Variants in IFT122 observed in about 807,000 individuals in gnomAD.
IFT122 encodes intraflagellar transport 122, also known as intraflagellar transport protein 122 homolog.
In IFT122, 118 loss-of-function variants were observed where a neutral mutation model predicts 161.6. The ratio of observed to expected loss-of-function variants is 0.73; its 90% confidence interval spans 0.63 to 0.85. The LOEUF is 0.85. IFT122 is among the 40% of genes least tolerant of loss of function. The pLI, the probability that IFT122 is intolerant of heterozygous loss-of-function variation, is 0.00. For missense variants in IFT122, 1,381 were observed against 1,579.6 expected (o/e 0.87, Z 2.13); for synonymous variants, 550 against 602.4 (o/e 0.91, Z 1.27).
Position 129,461,425 on chromosome 3 carries a change from C to T in IFT122, c.349+121C>T. ...AGAGTTAATACTACTTCTCTACCTT[C>T]AATGGCTGAGGGGAGGCTGACAGTT... On this transcript the variant is annotated intron_variant, in intron 5 of 29. Coordinates refer to ENST00000348417, the MANE Select transcript of IFT122 (RefSeq NM_052989.3). 3 of 775,446 alleles carry T rather than the reference C, an allele frequency of 3.9e-6. No homozygotes were observed. In the Admixed American group the frequency reaches 5.7e-5, roughly 15 times the overall value. 48.0% of individuals were successfully genotyped at this position (775,446 alleles called of 1,614,324 possible). A position where few individuals can be genotyped will look rare whatever the true frequency, so the allele number is the denominator to read the frequency against.
At chr3:129,500,096 C>A in intron 19 of IFT122, 28 bp downstream of exon 19, 1 of 1,613,072 alleles carries the variant, frequency 6.2e-7, no homozygotes, top group Non-Finnish European at 8.5e-7. Context: ...CCCCGAGAAG[C>A]ATTTGGCAGC....
At chr3:129,487,353 C>T (rs1227717088) in intron 15 of IFT122, among the ~76,000 whole-genome samples, 2 of 151,396 alleles carry the variant, frequency 1.3e-5, no homozygotes, top group African/African-American at 4.9e-5. Flanking sequence ...CCAGTCACCT[C>T]TGGCTATTGC....
intron 3 of IFT122, among the ~76,000 whole-genome samples, chr3:129,457,262 A>C (rs1161516948): frequency 2.0e-5 from 3 of 152,258 alleles, no homozygotes; most frequent in Non-Finnish European, 4.4e-5. Context: ...CTGTTCCTTC[A>C]TAAAGCCCAA....
chr3:129,442,870 T>C (rs1342925673), intron 1 of IFT122, among the ~76,000 whole-genome samples: 3 of 152,250 alleles, frequency 2.0e-5, no homozygotes, highest in Non-Finnish European at 4.4e-5. Context: ...TACTTTTAGG[T>C]TGAGCTGAAA....
In IFT122 at chr3:129,517,483, G is replaced by T. The variant is rs757840525; in HGVS notation, c.3280G>T (p.Val1094Phe). The T allele has an allele frequency of 6.2e-7, 1 of 1,613,826 alleles. No homozygotes were observed. The highest frequency in any genetic ancestry group is 8.5e-7 in the Non-Finnish European group (1 of 1,179,792). The change falls in exon 27 of 30, where the codon GTT becomes TTT. Residue 1094 changes from valine to phenylalanine, a missense_variant. Val to Phe is a conservative substitution (Grantham distance 50). This residue lies in a region of IFT122 where 177 missense variants were observed against 199.2 expected (regional missense o/e 0.89). Coordinates refer to ENST00000348417, the MANE Select transcript of IFT122 (RefSeq NM_052989.3). Reference protein sequence around the residue: ...SASSYDVLHLVEFYLEEGITD... With the variant: ...SASSYDVLHLFEFYLEEGITD... ...ATGCCCTCCAGACGTGCTACACCTG[G>T]TTGAGTTCTACCTGGAGGAAGGGAT...
At chr3:129,447,930 G>A (rs1577183646) in intron 1 of IFT122, among the ~76,000 whole-genome samples, 1 of 152,296 alleles carries the variant, frequency 6.6e-6, no homozygotes, top group East Asian at 1.9e-4. Context: ...AATTTTAAAA[G>A]AGCCCTGGTT....
At chr3:129,462,467 C>T (rs116415423) in intron 5 of IFT122, among the ~76,000 whole-genome samples, 1 of 152,292 alleles carries the variant, frequency 6.6e-6, no homozygotes, top group South Asian at 2.1e-4. Context: ...GGTCCCTTAG[C>T]TAGTAAGTGG....
At chr3:129,469,579 A>G (rs987729148) in intron 9 of IFT122, among the ~76,000 whole-genome samples, 162 bp downstream of exon 9, 3 of 152,250 alleles carry the variant, frequency 2.0e-5, no homozygotes, top group South Asian at 2.1e-4. Flanking sequence ...ACTTTATCCT[A>G]TTTTATTCTT....
chr3:129,506,744 C>T (rs751973489), intron 22 of IFT122, among the ~76,000 whole-genome samples, 195 bp downstream of exon 22: 20 of 152,170 alleles, frequency 1.3e-4, no homozygotes, highest in Admixed American at 2.6e-4. Context: ...GTATGAGGAC[C>T]GTCCTGGGGT....
intron 26 of IFT122, among the ~76,000 whole-genome samples, chr3:129,516,989 G>GCACA (rs1202330874): frequency 2.7e-5 from 2 of 73,980 alleles, no homozygotes; most frequent in African/African-American, 1.1e-4. Flanking sequence ...GACTGCCCCT[G>GCACA]CACACACACA....
At chr3:129,496,479 G>A (rs948142977) in intron 18 of IFT122, among the ~76,000 whole-genome samples, 9 of 152,338 alleles carry the variant, frequency 5.9e-5, no homozygotes. Flanking sequence ...TGACTCATCA[G>A]CCATAACCTA....
chr3:129,502,869 A>T lies in IFT122; in HGVS notation c.2534A>T (p.Gln845Leu), dbSNP rs1559981352. The T allele has an allele frequency of 6.2e-7, 1 of 1,609,618 alleles. No homozygotes were observed. Among genetic ancestry groups the T allele is most frequent in the South Asian group, 1.1e-5 (1 of 91,062 alleles). ...KSLVQLHVET[Q>L]RWDEAFALGE... ...CTGGTGCAGCTGCACGTGGAGACCC[A>T]GCGCTGGGATGAGGTGAGGGGAAAG... Residue 845 changes from glutamine (Q) to leucine (L), a missense_variant, in exon 20 of 30, where the codon CAG becomes CTG. Gln to Leu is a moderately radical substitution (Grantham distance 113). Coordinates refer to ENST00000348417, the MANE Select transcript of IFT122 (RefSeq NM_052989.3).
Position 129,488,284 on chromosome 3 carries a change from A to T in IFT122, c.1879A>T (p.Arg627Trp). Residue 627 changes from arginine to tryptophan, a missense_variant, in exon 16 of 30, where the codon AGG (arginine) becomes TGG (tryptophan). Arg to Trp is a moderately radical substitution (Grantham distance 101). Transcript: ENST00000348417. ...CGCTCCCATGTACCAGTACCTGGAT[A>T]GGAAACTGTTCAAGGAAGCCTACCA... is the stretch of plus-strand genomic sequence containing the variant. ...QSAPMYQYLD[R>W]KLFKEAYQIA... The T allele has an allele frequency of 6.2e-7, 1 of 1,614,182 alleles. No homozygotes were observed. The highest frequency in any genetic ancestry group is 8.5e-7 in the Non-Finnish European group (1 of 1,180,024).
intron 20 of IFT122, chr3:129,504,116 A>C: frequency 1.8e-6 from 1 of 558,320 alleles, no homozygotes; most frequent in Non-Finnish European, 3.2e-6. Context: ...AGTCGCTTGC[A>C]TATTGCTGTT....
chr3:129,466,028 T>TG (rs1272225376), intron 7 of IFT122, among the ~76,000 whole-genome samples: 1 of 152,024 alleles, frequency 6.6e-6, no homozygotes, highest in Admixed American at 6.6e-5. Flanking sequence ...AGGCTGGTCT[T>TG]GAACTTCTGA....
At chr3:129,476,278 A>G in intron 9 of IFT122, 37 bp from the exon 10 acceptor site, 1 of 1,611,720 alleles carries the variant, frequency 6.2e-7, no homozygotes, top group South Asian at 1.1e-5. Context: ...TGGATTCGGA[A>G]ATGGTTTTTC....
chr3:129,507,223 G>A (rs1296929001), intron 22 of IFT122, among the ~76,000 whole-genome samples: 2 of 152,306 alleles, frequency 1.3e-5, no homozygotes, highest in East Asian at 1.9e-4. Flanking sequence ...TAGGTGTAAG[G>A]TCGCATTTTT....
intron 1 of IFT122, among the ~76,000 whole-genome samples, chr3:129,440,928 G>A (rs1381442151): frequency 3.9e-5 from 6 of 152,196 alleles, no homozygotes; most frequent in Non-Finnish European, 1.5e-5. Context: ...GCTAGCTATT[G>A]TTGCTAGGGA....
At chr3:129,466,804 C>A in intron 7 of IFT122, 86 bp from the exon 8 acceptor site, 1 of 1,372,008 alleles carries the variant, frequency 7.3e-7, no homozygotes, top group Non-Finnish European at 1.0e-6. Context: ...CACCTGGCCC[C>A]CAGGGGCTCC....
Sources: gnomAD v4.1 joint callset for allele counts (sites outside exome capture counted in the v4.1 genomes callset) on GRCh38, gnomAD v4.1.1 for gene constraint, gnomAD v4.1.1 regional missense constraint, MANE v1.5 for transcripts, NCBI Gene and HGNC (gene_info 2026-07-23, HGNC 2026-07-21) for gene names.